The following PBX1 variants were observed in gnomAD, a reference collection of about 807,000 sequenced individuals.
The protein encoded by PBX1 is PBX homeobox 1.
In PBX1, 6 loss-of-function variants were observed where a neutral mutation model predicts 53.4. That is an observed-to-expected ratio of 0.11 (90% CI 0.06 to 0.22). The LOEUF is 0.22. Among genes scored for constraint, PBX1 ranks in the 10% least tolerant of loss-of-function variants. The probability of loss-of-function intolerance (pLI) is 1.00; values close to 1 mark genes in which losing one functional copy is unlikely to be tolerated. For synonymous variants in PBX1, 204 were observed against 212.3 expected, an observed-to-expected ratio of 0.96 and a Z score of 0.34; for missense variants, 251 against 551.4, an observed-to-expected ratio of 0.46 and a Z score of 5.46.
At chr1:164,625,337 A>G (rs1396239899) in intron 2 of PBX1, among the ~76,000 whole-genome samples, 1 of 152,208 alleles carries the variant, frequency 6.6e-6, no homozygotes, top group Admixed American at 6.5e-5. Flanking sequence ...TTGAAGTAGT[A>G]TAGCTTATCG....
chr1:164,876,920 A>G (rs962801465), intron 2 of PBX1, among the ~76,000 whole-genome samples: 1 of 152,188 alleles, frequency 6.6e-6, no homozygotes, highest in Non-Finnish European at 1.5e-5. Flanking sequence ...CCTGCCGTGC[A>G]CCTAACTCAC....
At chr1:164,706,056 TA>T (rs1009936644) in intron 2 of PBX1, among the ~76,000 whole-genome samples, 5 of 152,124 alleles carry the variant, frequency 3.3e-5, no homozygotes, top group Admixed American at 6.5e-5. Flanking sequence ...ATGGTTGATA[TA>T]AAAAAAATCT....
At chr1:164,625,429 C>T (rs993676059) in intron 2 of PBX1, among the ~76,000 whole-genome samples, 1 of 152,174 alleles carries the variant, frequency 6.6e-6, no homozygotes, top group African/African-American at 2.4e-5. Flanking sequence ...AGTTCTTCTT[C>T]TCTCTTTCCC....
rs1048956467 is a variant in PBX1, at chr1:164,559,369, A to G, written c.-454A>G. On this transcript the variant is annotated 5_prime_UTR_variant, in exon 1 of 9. Coordinates refer to ENST00000420696, the MANE Select transcript of PBX1 (RefSeq NM_002585.4). The stretch of plus-strand genomic sequence containing the variant: ...CGGGGGGTGGGGGGGGAAAGTTTGC[A>G]TTGCAATCCCCCTGCCTTCCTCTCC... The G allele has an allele frequency of 1.9e-5, 4 of 215,928 alleles. No homozygotes were observed. Among genetic ancestry groups the G allele is most frequent in the African/African-American group, 9.0e-5 (4 of 44,272 alleles). The allele number at this position is 215,928 out of a possible 1,614,324, so 13.4% of individuals were successfully genotyped here. A position where few individuals can be genotyped will look rare whatever the true frequency, so the allele number is the denominator to read the frequency against.
chr1:164,653,124 C>T (rs1659937051), intron 2 of PBX1, among the ~76,000 whole-genome samples: 1 of 152,116 alleles, frequency 6.6e-6, no homozygotes, highest in Non-Finnish European at 1.5e-5. Context: ...GCCTCAGCCT[C>T]CCAAAGTGCT....
chr1:164,865,065 C>T (rs918536749), intron 2 of PBX1, among the ~76,000 whole-genome samples: 4 of 152,184 alleles, frequency 2.6e-5, no homozygotes, highest in East Asian at 1.9e-4. Flanking sequence ...ATTGGCACCA[C>T]CAATTTGTCT....
chr1:164,828,115 T>C (rs184735234), intron 8 of PBX1, among the ~76,000 whole-genome samples: 28 of 152,302 alleles, frequency 1.8e-4, no homozygotes, highest in African/African-American at 6.3e-4. Flanking sequence ...CCCAACCAAA[T>C]AGATATACCA....
At chr1:164,598,508 G>C (rs1655925860) in intron 2 of PBX1, among the ~76,000 whole-genome samples, 1 of 152,214 alleles carries the variant, frequency 6.6e-6, no homozygotes, top group Non-Finnish European at 1.5e-5. Flanking sequence ...AGAGATAGGA[G>C]AGACATCAGT....
chr1:164,786,140 G>A (rs1414318529), intron 2 of PBX1, among the ~76,000 whole-genome samples: 1 of 152,184 alleles, frequency 6.6e-6, no homozygotes, highest in African/African-American at 2.4e-5. Flanking sequence ...CTGAGAACAG[G>A]AAGCTGAGGC....
At chr1:164,697,515 T>C (rs1045948118) in intron 2 of PBX1, among the ~76,000 whole-genome samples, 7 of 152,244 alleles carry the variant, frequency 4.6e-5, no homozygotes, top group African/African-American at 1.7e-4. Flanking sequence ...CTTCACTAAA[T>C]TATAAACTTT....
chr1:164,767,098 C>A (rs536599402), intron 2 of PBX1, among the ~76,000 whole-genome samples: 23 of 152,072 alleles, frequency 1.5e-4, no homozygotes, highest in African/African-American at 5.3e-4. Context: ...CCATTTGGAC[C>A]TATTGCAAAA....
At chr1:164,760,632 A>G (rs573159067) in intron 2 of PBX1, among the ~76,000 whole-genome samples, 3 of 152,250 alleles carry the variant, frequency 2.0e-5, no homozygotes, top group African/African-American at 7.2e-5. Context: ...TGTGGTTGCA[A>G]GTCAGTTTTT....
intron 2 of PBX1, among the ~76,000 whole-genome samples, chr1:164,861,565 T>C (rs1278432630): frequency 6.6e-6 from 1 of 152,126 alleles, no homozygotes; most frequent in Non-Finnish European, 1.5e-5. Context: ...TTTGACCAAA[T>C]TGTCTGTTGT....
chr1:164,814,110 T>C (rs1025330640), intron 6 of PBX1: 2 of 152,218 alleles, frequency 1.3e-5, no homozygotes, highest in Non-Finnish European at 2.9e-5. Flanking sequence ...TTTTAAAAGA[T>C]AAACATTTTA....
intron 2 of PBX1, among the ~76,000 whole-genome samples, chr1:164,618,895 A>G (rs1465271396): frequency 3.3e-5 from 5 of 152,170 alleles, no homozygotes; most frequent in Non-Finnish European, 7.3e-5. Flanking sequence ...TTCAAAAGCT[A>G]CCTAATTATG....
At chr1:164,817,674 A>G (rs1475104585) in intron 6 of PBX1, 1 of 152,256 alleles carries the variant, frequency 6.6e-6, no homozygotes. Context: ...GTTTATGCAC[A>G]TGTATTTTTT....
At chr1:164,745,730 G>A (rs577711202) in intron 2 of PBX1, among the ~76,000 whole-genome samples, 3 of 152,196 alleles carry the variant, frequency 2.0e-5, no homozygotes, top group Non-Finnish European at 4.4e-5. Context: ...TGTCTAATAA[G>A]GACATTAACA....
intron 2 of PBX1, among the ~76,000 whole-genome samples, chr1:164,862,790 G>A (rs935152164): frequency 1.3e-5 from 2 of 152,192 alleles, no homozygotes; most frequent in Non-Finnish European, 2.9e-5. Context: ...TGAGAGCTAA[G>A]GATCTTGTCA....
At chr1:164,589,855 C>T (rs887457412) in intron 2 of PBX1, among the ~76,000 whole-genome samples, 2 of 152,146 alleles carry the variant, frequency 1.3e-5, no homozygotes, top group African/African-American at 4.8e-5. Flanking sequence ...TGTTGTGGTG[C>T]TCTTGTTTGT....
Sources: gnomAD v4.1 joint callset for allele counts (sites outside exome capture counted in the v4.1 genomes callset) on GRCh38, gnomAD v4.1.1 for gene constraint, MANE v1.5 for transcripts, NCBI Gene and HGNC (gene_info 2026-07-23, HGNC 2026-07-21) for gene names.